SDK1: variants seen among roughly 807,000 people sequenced by gnomAD.
SDK1 encodes protein sidekick-1.
SDK1 carries 157 observed loss-of-function variants against 245.5 expected under a neutral mutation model. The ratio of observed to expected loss-of-function variants is 0.64; its 90% CI spans 0.56 to 0.73. The LOEUF is 0.73. SDK1 is among the 30% of genes least tolerant of loss of function. SDK1 has a pLI of 0.00. For synonymous variants in SDK1, 1,647 were observed against 1,278.5 expected (o/e 1.29, Z -6.15); for missense variants, 3,583 against 3,002.3 (o/e 1.19, Z -4.52).
intron 4 of SDK1, among the ~76,000 whole-genome samples, chr7:3,673,939 A>T (rs114902226): frequency 0.02 from 3,072 of 152,340 alleles, 101 homozygotes; most frequent in African/African-American, 0.071. Context: ...TTAAAAATAA[A>T]TAGAAATTTG....
intron 5 of SDK1, among the ~76,000 whole-genome samples, chr7:3,845,725 C>T (rs1029212970): frequency 5.3e-5 from 8 of 150,646 alleles, no homozygotes; most frequent in Admixed American, 5.3e-4. Flanking sequence ...GCAGCCTAGT[C>T]AATTAAAAAG....
chr7:3,356,947 C>T (rs1315242821), intron 1 of SDK1, among the ~76,000 whole-genome samples: 1 of 130,968 alleles, frequency 7.6e-6, no homozygotes, highest in East Asian at 2.1e-4. Context: ...CCCAGCTACT[C>T]AGGAGGCTGA....
Position 3,485,769 on chromosome 7 carries a change from A to G in SDK1, c.299-133311A>G, listed in dbSNP as rs559120044. Among the ~76,000 whole-genome samples, 5 of 124,516 alleles carry G rather than the reference A, an allele frequency of 4.0e-5. No homozygotes were observed. In the South Asian group the frequency reaches 1.1e-3, roughly 27 times the overall value. The allele number at this position is 124,516 out of a possible 152,430, so 81.7% of individuals were successfully genotyped here. On this transcript the variant is annotated intron_variant, in intron 1 of 44. Coordinates refer to ENST00000404826, the MANE Select transcript of SDK1 (RefSeq NM_152744.4). ...AACTTTATTTAAAAATGTTCCATCT[A>G]TATTCATAAGTGCTATTCCCACGTA... is the stretch of plus-strand genomic sequence containing the variant.
chr7:3,600,388 CT>C (rs2128638504), intron 1 of SDK1, among the ~76,000 whole-genome samples: 2 of 151,946 alleles, frequency 1.3e-5, no homozygotes, highest in South Asian at 4.2e-4. Context: ...AATTTTAGTT[CT>C]TTCCTTCCAG....
In SDK1 at chr7:3,692,120, T is replaced by C. The variant is rs185132087; in HGVS notation, c.713+50015T>C. Among the ~76,000 whole-genome samples the C allele has an allele frequency of 5.0e-3, 764 of 152,308 alleles. 5 individuals are homozygous for C. The highest frequency in any genetic ancestry group is 0.017 in the South Asian group (80 of 4,824). On this transcript the variant is annotated intron_variant, in intron 4 of 44. Transcript: ENST00000404826. ...ATTGAGTTGGAAGACAGACATTAAG[T>C]AAATACTTATATTAATAATTTTATT...
chr7:3,588,178 G>A lies in SDK1; in HGVS notation c.299-30902G>A, dbSNP rs117512981. ...TAAGTGACTTATTATAATCTGATTTGTCAGTCAAATATAAGGTTTCTTCAA... is the reference window on the plus strand; with the variant it reads ...TAAGTGACTTATTATAATCTGATTTATCAGTCAAATATAAGGTTTCTTCAA... On this transcript the variant is annotated intron_variant, in intron 1 of 44. Coordinates refer to ENST00000404826, the MANE Select transcript of SDK1 (RefSeq NM_152744.4). 2.4e-4 allele frequency among the ~76,000 whole-genome samples: 36 copies of A among 152,284 alleles called. No homozygotes were observed. The East Asian group carries it at 5.8e-3, about 24-fold the overall frequency.
chr7:4,036,951 T>C (rs1788266833), intron 17 of SDK1, among the ~76,000 whole-genome samples: 1 of 152,192 alleles, frequency 6.6e-6, no homozygotes, highest in Non-Finnish European at 1.5e-5. Flanking sequence ...AGCTGTCTAT[T>C]GCATTCACTC....
At chr7:3,509,751 G>A (rs965842234) in intron 1 of SDK1, among the ~76,000 whole-genome samples, 14 of 152,144 alleles carry the variant, frequency 9.2e-5, no homozygotes, top group African/African-American at 3.4e-4. Context: ...TCTACCTTCG[G>A]CCCTGCAGAG....
intron 1 of SDK1, among the ~76,000 whole-genome samples, chr7:3,570,483 G>C (rs1480123196): frequency 6.6e-6 from 1 of 152,098 alleles, no homozygotes; most frequent in Non-Finnish European, 1.5e-5. Context: ...GCCCGGAGTT[G>C]GGGATCCCTG....
chr7:3,935,340 A>G (rs2128119004), intron 5 of SDK1, among the ~76,000 whole-genome samples: 1 of 152,370 alleles, frequency 6.6e-6, no homozygotes, highest in Middle Eastern at 3.4e-3. Flanking sequence ...CATTAGATTT[A>G]GGAATGATAT....
intron 17 of SDK1, among the ~76,000 whole-genome samples, chr7:4,035,843 T>C (rs1367109646): frequency 6.6e-6 from 1 of 152,154 alleles, no homozygotes; most frequent in Non-Finnish European, 1.5e-5. Flanking sequence ...AAAAAAACTC[T>C]TAGGCCAACT....
rs1784463649 is a variant in SDK1 at position 4,127,451 on chromosome 7, A to G, written c.3894A>G (p.Thr1298=). 1.2e-6 allele frequency: 2 copies of G among 1,614,212 alleles called. No individual in the cohort carries two copies. The highest frequency in any genetic ancestry group is 1.7e-6 in the Non-Finnish European group (2 of 1,180,022). The change falls in exon 26 of 45, where the codon ACA becomes ACG. Residue 1298 remains threonine (T), a synonymous_variant. Transcript: ENST00000404826. The part of the protein sequence containing the change: ...VSSTQILLTW[T]SVPEQDQNGL... ...CGACCCAGATTTTACTGACATGGAC[A>G]TCCGTGCCGGAACAGGACCAGAATG...
At chr7:3,436,539 G>T (rs115615040) in intron 1 of SDK1, among the ~76,000 whole-genome samples, 1 of 151,942 alleles carries the variant, frequency 6.6e-6, no homozygotes, top group African/African-American at 2.4e-5. Context: ...AATCAATGAA[G>T]ATTGAAATTT....
At chr7:3,411,502 A>G (rs1439755380) in intron 1 of SDK1, among the ~76,000 whole-genome samples, 8 of 152,170 alleles carry the variant, frequency 5.3e-5, no homozygotes, top group African/African-American at 7.2e-5. Context: ...TGTTTTACCA[A>G]TAGAGTATTC....
chr7:3,674,333 A>G (rs1332242379), intron 4 of SDK1, among the ~76,000 whole-genome samples: 1 of 152,046 alleles, frequency 6.6e-6, no homozygotes, highest in Non-Finnish European at 1.5e-5. Flanking sequence ...GAGGGCATCT[A>G]CCCCACGTCC....
intron 1 of SDK1, among the ~76,000 whole-genome samples, chr7:3,491,714 C>T (rs1256405637): frequency 2.0e-5 from 3 of 152,164 alleles, no homozygotes; most frequent in Admixed American, 6.5e-5. Flanking sequence ...TCTCTTTGCT[C>T]TACTGAAGGT....
chr7:3,431,001 A>G (rs571193997), intron 1 of SDK1, among the ~76,000 whole-genome samples: 2 of 152,262 alleles, frequency 1.3e-5, no homozygotes, highest in Admixed American at 1.3e-4. Flanking sequence ...CTCGGGTTCA[A>G]GTGATTCTTC....
chr7:4,040,637 A>C (rs994978997), intron 17 of SDK1, among the ~76,000 whole-genome samples: 2 of 152,172 alleles, frequency 1.3e-5, no homozygotes, highest in East Asian at 3.9e-4. Flanking sequence ...TCTGATTTAC[A>C]TAGGGCATGA....
intron 4 of SDK1, among the ~76,000 whole-genome samples, chr7:3,803,396 C>T (rs1035025319): frequency 1.3e-5 from 2 of 151,544 alleles, no homozygotes; most frequent in Non-Finnish European, 2.9e-5. Flanking sequence ...CTGCAACCTC[C>T]ACCTCTGAAA....
Sources: allele counts gnomAD v4.1 joint callset (sites outside exome capture counted in the v4.1 genomes callset), GRCh38; gene constraint gnomAD v4.1.1; transcripts MANE v1.5; gene names NCBI Gene and HGNC (gene_info 2026-07-23, HGNC 2026-07-21).